Variants in RAB3IP observed in about 807,000 individuals in gnomAD.
The protein encoded by RAB3IP is rab-3A-interacting protein.
In RAB3IP, 36 loss-of-function variants were observed where a neutral mutation model predicts 59.1. The ratio of observed to expected loss-of-function variants is 0.61; its 90% CI spans 0.47 to 0.80. The LOEUF is 0.80. Ranked by LOEUF, RAB3IP falls within the 30% of genes least tolerant of loss-of-function variation. The pLI, the probability that RAB3IP is intolerant of heterozygous loss-of-function variation, is 0.00. For missense variants in RAB3IP, 511 were observed against 536.0 expected (o/e 0.95, Z 0.46); for synonymous variants, 207 against 191.2 (o/e 1.08, Z -0.68).
intron 1 of RAB3IP, among the ~76,000 whole-genome samples, chr12:69,744,810 A>G (rs553454161): frequency 5.3e-5 from 8 of 152,262 alleles, no homozygotes; most frequent in African/African-American, 1.9e-4. Flanking sequence ...CCCTTGGGCT[A>G]TTAATTACAT....
At position 69,742,256 on chromosome 12, in the gene RAB3IP, C is replaced by T. The variant is rs189976633; in HGVS notation, c.-26+3225C>T. ...CGCTTTTTCACACTAAACTTTTTTC[C>T]GATATAATTCTGATTAAGATGCAGT... is the stretch of plus-strand genomic sequence containing the variant. On this transcript the variant is annotated intron_variant, in intron 1 of 10. Coordinates refer to ENST00000247833, the MANE Select transcript of RAB3IP (RefSeq NM_022456.5). Among the ~76,000 whole-genome samples the T allele has an allele frequency of 8.5e-5, 13 of 152,106 alleles. No homozygotes were observed. In the East Asian group the frequency reaches 2.5e-3, roughly 29 times the overall value.
chr12:69,803,047 G>A (rs1878639284), intron 8 of RAB3IP, among the ~76,000 whole-genome samples: 1 of 152,078 alleles, frequency 6.6e-6, no homozygotes, highest in Admixed American at 6.5e-5. Context: ...TCTGTGTCAT[G>A]CCTCATTTTA....
chr12:69,810,482 A>G (rs1592628938), intron 8 of RAB3IP, among the ~76,000 whole-genome samples: 1 of 152,176 alleles, frequency 6.6e-6, no homozygotes, highest in Admixed American at 6.5e-5. Flanking sequence ...GGAGCTGTAG[A>G]CTGGAGCTGT....
rs1437791595 is a variant in RAB3IP at position 69,818,693 on chromosome 12, T to G, written c.*3247T>G. On this transcript the variant is annotated 3_prime_UTR_variant, in exon 11 of 11. Coordinates refer to ENST00000247833, the MANE Select transcript of RAB3IP (RefSeq NM_022456.5). ...AATGAAAAAGCAATTCTGAGAAAAC[T>G]ATATGTGACATGATACTTTTCTTAT... is the stretch of plus-strand genomic sequence containing the variant. 6.6e-6 allele frequency: 1 copy of G among 152,202 alleles called. No individual in the cohort carries two copies. The highest frequency in any genetic ancestry group is 1.5e-5 in the Non-Finnish European group (1 of 68,034). 9.4% of individuals were successfully genotyped at this position (152,202 alleles called of 1,614,324 possible). A position where few individuals can be genotyped will look rare whatever the true frequency, so the allele number is the denominator to read the frequency against.
At position 69,762,328 on chromosome 12, in the gene RAB3IP, C is replaced by G. The variant is rs147641383; in HGVS notation, c.510+5665C>G. On this transcript the variant is annotated intron_variant, in intron 3 of 10. Transcript: ENST00000247833. ...TTCTTATTAAGTATAGATCCTTGCA[C>G]TCTACTCCAGATCTGCTGAAATCAA... 4.2e-4 allele frequency among the ~76,000 whole-genome samples: 64 copies of G among 152,344 alleles called. 1 individual carries two copies. The highest frequency in any genetic ancestry group is 8.3e-4 in the South Asian group (4 of 4,830).
intron 6 of RAB3IP, among the ~76,000 whole-genome samples, chr12:69,797,972 C>T (rs1344733492): frequency 2.0e-5 from 3 of 152,008 alleles, no homozygotes; most frequent in South Asian, 2.1e-4. Flanking sequence ...TGAATAATGC[C>T]GCAATAAACA....
intron 8 of RAB3IP, among the ~76,000 whole-genome samples, chr12:69,811,248 A>C (rs755340625): frequency 6.6e-6 from 1 of 152,124 alleles, no homozygotes; most frequent in Non-Finnish European, 1.5e-5. Flanking sequence ...GGAGGATGGG[A>C]AGAGGGAGAA....
At chr12:69,798,243 G>A (rs1442743376) in intron 6 of RAB3IP, among the ~76,000 whole-genome samples, 3 of 152,278 alleles carry the variant, frequency 2.0e-5, no homozygotes, top group African/African-American at 7.2e-5. Flanking sequence ...GTATCTCATT[G>A]TGGTTTTGAT....
intron 1 of RAB3IP, among the ~76,000 whole-genome samples, chr12:69,745,712 A>G (rs1457301403): frequency 6.6e-6 from 1 of 152,102 alleles, no homozygotes; most frequent in African/African-American, 2.4e-5. Flanking sequence ...CAGAACATGC[A>G]GGTTTGTTAC....
intron 3 of RAB3IP, among the ~76,000 whole-genome samples, chr12:69,775,418 T>C (rs1248148222): frequency 7.3e-6 from 1 of 137,034 alleles, no homozygotes; most frequent in African/African-American, 2.8e-5. Flanking sequence ...TTCTTCTGCC[T>C]GATTGCCCTG....
Position 69,818,927 on chromosome 12 carries a change from G to A in RAB3IP, c.*3481G>A, listed in dbSNP as rs1881416118. Reference sequence around the variant, plus strand: ...CATTTGTCATTAAAAGTAAGTACATGAGCTGGGTGTAGTGGTGCGTGCTTA... The same window carrying A: ...CATTTGTCATTAAAAGTAAGTACATAAGCTGGGTGTAGTGGTGCGTGCTTA... On this transcript the variant is annotated 3_prime_UTR_variant, in exon 11 of 11. Transcript: ENST00000247833. The A allele has an allele frequency of 2.6e-5, 4 of 152,056 alleles. No homozygotes were observed. The highest frequency in any genetic ancestry group is 2.6e-4 in the Admixed American group (4 of 15,254). The allele number at this position is 152,056 out of a possible 1,614,324, so 9.4% of individuals were successfully genotyped here. A position where few individuals can be genotyped will look rare whatever the true frequency, so the allele number is the denominator to read the frequency against.
intron 8 of RAB3IP, 36 bp from the exon 9 acceptor site, chr12:69,812,742 C>G: frequency 1.4e-6 from 2 of 1,448,228 alleles, no homozygotes; most frequent in Non-Finnish European, 1.9e-6. Flanking sequence ...AAATGCTTTT[C>G]ATTTCAAAAA....
At chr12:69,753,323 T>C (rs1010377685) in intron 1 of RAB3IP, among the ~76,000 whole-genome samples, 3 of 152,198 alleles carry the variant, frequency 2.0e-5, no homozygotes, top group East Asian at 1.9e-4. Context: ...CTGTATCTTA[T>C]GGAAGAAATG....
intron 7 of RAB3IP, 66 bp from the exon 8 acceptor site, chr12:69,801,543 C>T: frequency 2.1e-6 from 2 of 947,552 alleles, no homozygotes; most frequent in South Asian, 1.8e-5. Context: ...AATTCGTTTA[C>T]TGTAGAATAC....
chr12:69,751,912 T>A (rs1039412908), intron 1 of RAB3IP, among the ~76,000 whole-genome samples: 1 of 152,030 alleles, frequency 6.6e-6, no homozygotes, highest in Non-Finnish European at 1.5e-5. Context: ...TAAAGCAAGG[T>A]ACTTACAGAA....
intron 1 of RAB3IP, among the ~76,000 whole-genome samples, chr12:69,748,511 A>C (rs11177825): frequency 0.11 from 16,373 of 152,236 alleles, 1,214 homozygotes; most frequent in Middle Eastern, 0.17. Flanking sequence ...CGAGAAAGAA[A>C]AATTAACAGG....
intron 1 of RAB3IP, among the ~76,000 whole-genome samples, chr12:69,743,772 C>T (rs551398909): frequency 5.8e-4 from 86 of 149,242 alleles, no homozygotes; most frequent in African/African-American, 2.1e-3. Context: ...AAAGTATTTA[C>T]TGTTTCATTT....
At chr12:69,757,000 A>G (rs1870342368) in intron 3 of RAB3IP, among the ~76,000 whole-genome samples, 1 of 152,216 alleles carries the variant, frequency 6.6e-6, no homozygotes, top group Non-Finnish European at 1.5e-5. Context: ...ATGGCTGACT[A>G]AATGGTTATT....
At chr12:69,749,616 C>T (rs1000883860) in intron 1 of RAB3IP, among the ~76,000 whole-genome samples, 1 of 152,190 alleles carries the variant, frequency 6.6e-6, no homozygotes, top group Non-Finnish European at 1.5e-5. Context: ...GGAGTAACTG[C>T]GTTTTGTATA....
Sources: gnomAD v4.1 joint callset for allele counts (sites outside exome capture counted in the v4.1 genomes callset) on GRCh38, gnomAD v4.1.1 for gene constraint, MANE v1.5 for transcripts, NCBI Gene and HGNC (gene_info 2026-07-23, HGNC 2026-07-21) for gene names.